The following IRX4 variants were observed in gnomAD, a reference collection of about 807,000 sequenced individuals.
The protein encoded by IRX4 is iroquois homeobox 4, also known as iroquois-class homeodomain protein IRX-4.
In IRX4, 22 loss-of-function variants were observed where a neutral mutation model predicts 32.0. The ratio of observed to expected loss-of-function variants is 0.69; its 90% CI spans 0.49 to 0.98. The LOEUF is 0.98. IRX4 is among the 50% of genes least tolerant of loss of function. The probability of loss-of-function intolerance (pLI) is 0.00; values close to 1 mark genes in which losing one functional copy is unlikely to be tolerated. For missense variants in IRX4, 840 were observed against 744.2 expected, an observed-to-expected ratio of 1.13 and a Z score of -1.50; for synonymous variants, 379 against 351.7, an observed-to-expected ratio of 1.08 and a Z score of -0.87.
chr5:1,878,079 G>T lies in IRX4; in HGVS notation c.1450C>A (p.Pro484Thr). 1 of 1,528,100 alleles carries T rather than the reference G, an allele frequency of 6.5e-7. No homozygotes were observed. The highest frequency in any genetic ancestry group is 8.7e-7 in the Non-Finnish European group (1 of 1,142,914). 94.7% of individuals were successfully genotyped at this position (1,528,100 alleles called of 1,614,324 possible). The change falls in exon 5 of 5, where the codon CCC becomes ACC. Residue 484 changes from proline to threonine, a missense_variant. Around this residue, in one of 3 missense-constraint regions of IRX4, gnomAD observed 585 missense variants for 488.0 expected, o/e 1.20. Coordinates refer to ENST00000231357, the MANE Select transcript of IRX4 (RefSeq NM_016358.3). ...LGAGANVLTA[P>T]LARAFPPAVP... ...GCAGGCGGAAAGGCGCGGGCCAGGG[G>T]TGCAGTCAGCACGTTCGCGCCCGCC...
At chr5:1,881,179 T>G (rs1185131507) in intron 2 of IRX4, 42 of 201,004 alleles carry the variant, frequency 2.1e-4, no homozygotes, top group African/African-American at 7.9e-4. Flanking sequence ...GGAGAAGGAG[T>G]GGGGATTGTT....
At chr5:1,883,551 G>A (rs753693073), upstream of IRX4, among the ~76,000 whole-genome samples, 9 of 152,260 alleles carry the variant, frequency 5.9e-5, no homozygotes, top group Non-Finnish European at 1.0e-4. Flanking sequence ...CCTCAGGTGC[G>A]TGGGGGCTTC....
Position 1,882,705 on chromosome 5 carries a change from G to C in IRX4, c.-58C>G, listed in dbSNP as rs1363403700. ...CTGCAGGGTTCTGCGCGCTGGGGCC[G>C]GCGTGGCGCGGCCACTGCTCCGGAG... On this transcript the variant is annotated 5_prime_UTR_variant, in exon 1 of 5. Transcript: ENST00000231357. The C allele has an allele frequency of 9.7e-6, 11 of 1,138,160 alleles. No individual in the cohort carries two copies. The Admixed American group carries it at 1.2e-4, about 13-fold the overall frequency. The allele number at this position is 1,138,160 out of a possible 1,614,324, so 70.5% of individuals were successfully genotyped here.
chr5:1,880,876 C>T (rs1275261979), intron 2 of IRX4, 42 bp from the exon 3 acceptor site: 2 of 1,458,070 alleles, frequency 1.4e-6, no homozygotes, highest in East Asian at 2.3e-5. Context: ...TCCAGGGAGG[C>T]AACCCCACTC....
chr5:1,879,676 C>A lies in IRX4; in HGVS notation c.564G>T (p.Gln188His). Residue 188 changes from glutamine (Q) to histidine (H), a missense_variant, in exon 4 of 5, where the codon CAG becomes CAT. Around this residue, in one of 3 missense-constraint regions of IRX4, gnomAD observed 585 missense variants for 488.0 expected, o/e 1.20. Transcript: ENST00000231357. The part of the protein sequence containing the change: ...LAIITKMTLT[Q>H]VSTWFANARR... ...GCGCGTTGGCGAACCAGGTGGAGACCTGTGTGAGGGTCATCTTGGTGATGA... is the reference window on the plus strand; with the variant it reads ...GCGCGTTGGCGAACCAGGTGGAGACATGTGTGAGGGTCATCTTGGTGATGA... 6.2e-7 allele frequency: 1 copy of A among 1,614,230 alleles called. No homozygotes were observed. Among genetic ancestry groups the A allele is most frequent in the Non-Finnish European group, 8.5e-7 (1 of 1,180,046 alleles).
At chr5:1,882,361 A>AGTG (rs1247797317) in intron 1 of IRX4, among the ~76,000 whole-genome samples, 4 of 152,170 alleles carry the variant, frequency 2.6e-5, no homozygotes, top group Non-Finnish European at 5.9e-5. Flanking sequence ...CCTGGGGCAC[A>AGTG]GCCTGAGCCT....
In IRX4 at chr5:1,882,811, G is replaced by A. The variant is rs1735502476; in HGVS notation, c.-164C>T. The A allele has an allele frequency of 2.4e-6, 1 of 421,266 alleles. No individual in the cohort carries two copies. The highest frequency in any genetic ancestry group is 4.2e-6 in the Non-Finnish European group (1 of 235,676). The allele number at this position is 421,266 out of a possible 1,614,324, so 26.1% of individuals were successfully genotyped here. ...CGCGCTCCGCAAACTTTTCTAACCG[G>A]GTAACAAAGTGAGCAGCGGTGGCCG... On this transcript the variant is annotated 5_prime_UTR_variant, in exon 1 of 5. Transcript: ENST00000231357.
Position 1,879,830 on chromosome 5 carries a change from T to C in IRX4, c.410A>G (p.Tyr137Cys), listed in dbSNP as rs773336628. 15 of 1,613,712 alleles carry C rather than the reference T, an allele frequency of 9.3e-6. No homozygotes were observed. Among genetic ancestry groups the C allele is most frequent in the Non-Finnish European group, 1.0e-5 (12 of 1,180,020 alleles). ...CCGCGTGCCGCTGTCCATGGTTCCA[T>C]ACCTGGAGACAGGCTCTGCAATGGG... ...PALGQYPYDRYGTMDSGTRRK... is the reference protein window; with the variant it reads ...PALGQYPYDRCGTMDSGTRRK... The change falls in exon 4 of 5, where the codon TAT (tyrosine) becomes TGT (cysteine). Residue 137 changes from tyrosine to cysteine, a missense_variant and splice_region_variant. Tyr to Cys is a radical substitution (Grantham distance 194). Transcript: ENST00000231357.
chr5:1,878,625 C>G lies in IRX4; in HGVS notation c.904G>C (p.Gly302Arg), dbSNP rs1013872208. Reference protein sequence around the residue: ...APDGPVKEASGALRMSLAAGG... With the variant: ...APDGPVKEASRALRMSLAAGG... ...GCGGCCAGAGACATCCGGAGCGCGC[C>G]TGAGGCCTCCTTGACCGGGCCGTCG... The change falls in exon 5 of 5, where the codon GGC (glycine) becomes CGC (arginine). Residue 302 changes from glycine (G) to arginine (R), a missense_variant. Physicochemically the swap from Gly to Arg is moderately radical, Grantham distance 125. Around this residue, in one of 3 missense-constraint regions of IRX4, gnomAD observed 585 missense variants for 488.0 expected, o/e 1.20. Coordinates refer to ENST00000231357, the MANE Select transcript of IRX4 (RefSeq NM_016358.3). The G allele has an allele frequency of 8.2e-6, 13 of 1,576,818 alleles. No individual in the cohort carries two copies. The highest frequency in any genetic ancestry group is 1.0e-5 in the Non-Finnish European group (12 of 1,162,302).
intron 3 of IRX4, chr5:1,880,047 T>G: frequency 6.5e-7 from 1 of 1,531,068 alleles, no homozygotes; most frequent in Non-Finnish European, 8.7e-7. Context: ...GGGCAAAGAT[T>G]ATATTTGACT....
At chr5:1,878,988 G>A (rs1262911552) in intron 4 of IRX4, among the ~76,000 whole-genome samples, 196 bp from the exon 5 acceptor site, 2 of 145,010 alleles carry the variant, frequency 1.4e-5, no homozygotes, top group Non-Finnish European at 3.0e-5. Flanking sequence ...GGGGAGGGGG[G>A]TGTCTAATTT....
intron 3 of IRX4, 63 bp from the exon 4 acceptor site, chr5:1,879,895 A>T (rs1324699561): frequency 4.4e-6 from 7 of 1,600,616 alleles, no homozygotes; most frequent in Non-Finnish European, 5.9e-6. Context: ...TCATGGGCAT[A>T]GGGGTGGGGG....
chr5:1,879,636 T>C lies in IRX4; in HGVS notation c.604A>G (p.Lys202Glu). ...WFANARRRLK[K>E]ENKMTWPPRN... ...GGCGGCCACGTCATCTTGTTCTCCT[T>C]CTTGAGGCGCCGGCGCGCGTTGGCG... The change falls in exon 4 of 5, where the codon AAG becomes GAG. Residue 202 changes from lysine (K) to glutamate (E), a missense_variant. Physicochemically the swap from Lys to Glu is moderately conservative, Grantham distance 56. Around this residue, in one of 3 missense-constraint regions of IRX4, gnomAD observed 585 missense variants for 488.0 expected, o/e 1.20. Coordinates refer to ENST00000231357, the MANE Select transcript of IRX4 (RefSeq NM_016358.3). The C allele has an allele frequency of 6.2e-7, 1 of 1,614,056 alleles. No homozygotes were observed. Among genetic ancestry groups the C allele is most frequent in the Non-Finnish European group, 8.5e-7 (1 of 1,180,018 alleles).
chr5:1,878,807 G>A lies in IRX4; in HGVS notation c.737-15C>T. ...GCCCACGGGCTCTGCGGGAGAGAAT[G>A]CGTGGCCAGTGGAGGGAGAGGGTTG... is the stretch of plus-strand genomic sequence containing the variant. On this transcript the variant is annotated splice_polypyrimidine_tract_variant and intron_variant, in intron 4 of 4. Coordinates refer to ENST00000231357, the MANE Select transcript of IRX4 (RefSeq NM_016358.3). 1 of 1,612,368 alleles carries A rather than the reference G, an allele frequency of 6.2e-7. No homozygotes were observed. The highest frequency in any genetic ancestry group is 8.5e-7 in the Non-Finnish European group (1 of 1,179,200).
At position 1,877,536 on chromosome 5, in the gene IRX4, A is replaced by G. The variant is rs567966563; in HGVS notation, c.*433T>C. 17 of 188,118 alleles carry G rather than the reference A, an allele frequency of 9.0e-5. No homozygotes were observed. The highest frequency in any genetic ancestry group is 4.3e-4 in the Admixed American group (7 of 16,342). The allele number at this position is 188,118 out of a possible 1,614,324, so 11.7% of individuals were successfully genotyped here. ...CATATTATGGAGTCAAGAGTGTGCAAGAGTCAACTCAGTGCAAGTGCTGTT... is the reference window on the plus strand; with the variant it reads ...CATATTATGGAGTCAAGAGTGTGCAGGAGTCAACTCAGTGCAAGTGCTGTT... On this transcript the variant is annotated 3_prime_UTR_variant, in exon 5 of 5. Transcript: ENST00000231357.
At chr5:1,887,119 C>A (rs1226347749), upstream of IRX4, 2 of 151,502 alleles carry the variant, frequency 1.3e-5, no homozygotes, top group African/African-American at 2.4e-5. Context: ...GGAAGCTCGG[C>A]GCGCGCGCTC....
rs982920586 is a variant in IRX4, at chr5:1,878,023, G to A, written c.1506C>T (p.Ala502=). 2 of 1,507,624 alleles carry A rather than the reference G, an allele frequency of 1.3e-6. No individual in the cohort carries two copies. The highest frequency in any genetic ancestry group is 2.1e-5 in the Admixed American group (1 of 48,262). 93.4% of individuals were successfully genotyped at this position (1,507,624 alleles called of 1,614,324 possible). ...TGGGCAGGGCGAGCAGCTCCCTGGC[G>A]GCGCCTGCAGCTGGGGCGTCCTGGG... ...AVPQDAPAAG[A]ARELLALPKA... The change falls in exon 5 of 5, where the codon GCC becomes GCT. Residue 502 remains alanine (A), a synonymous_variant. Transcript: ENST00000231357.
upstream of IRX4, among the ~76,000 whole-genome samples, chr5:1,882,932 G>GA (rs201834255): frequency 0.36 from 50,883 of 143,220 alleles, 9,178 homozygotes; most frequent in East Asian, 0.68. Flanking sequence ...TTACGAAAAA[G>GA]AAAAAAAAAA....
intron 2 of IRX4, chr5:1,881,216 T>G: frequency 4.3e-6 from 1 of 230,164 alleles, no homozygotes; most frequent in Non-Finnish European, 8.2e-6. Flanking sequence ...TGGGATGCAC[T>G]CAAGTGGGGA....
Sources: allele counts gnomAD v4.1 joint callset (sites outside exome capture counted in the v4.1 genomes callset), GRCh38; gene constraint gnomAD v4.1.1; regional missense constraint gnomAD v4.1.1; transcripts MANE v1.5; gene names NCBI Gene and HGNC (gene_info 2026-07-23, HGNC 2026-07-21).